The following NELL2 variants were observed in gnomAD, a reference collection of about 807,000 sequenced individuals.
NELL2 encodes the protein neural EGFL like 2.
A neutral mutation model predicts 109.6 loss-of-function variants in NELL2; 41 were observed. The observed-to-expected ratio is 0.37, with a 90% CI of 0.29 to 0.49. The LOEUF is 0.49. Ranked by LOEUF, NELL2 falls within the 20% of genes least tolerant of loss-of-function variation. NELL2 has a pLI of 0.98. For missense variants in NELL2, 900 were observed against 1,008.3 expected, an observed-to-expected ratio of 0.89 and a Z score of 1.45; for synonymous variants, 355 against 344.7, an observed-to-expected ratio of 1.03 and a Z score of -0.33.
chr12:44,834,996 C>T (rs996637856), intron 2 of NELL2, among the ~76,000 whole-genome samples: 3 of 152,124 alleles, frequency 2.0e-5, no homozygotes, highest in Middle Eastern at 3.2e-3. Context: ...CACAAGGTTG[C>T]TGGAGGGGCC....
At chr12:44,921,275 T>C (rs1945866321) in intron 1 of NELL2, among the ~76,000 whole-genome samples, 1 of 152,238 alleles carries the variant, frequency 6.6e-6, no homozygotes, top group Non-Finnish European at 1.5e-5. Flanking sequence ...TCAATTCATT[T>C]GCAAGCATTT....
At chr12:44,576,032 C>T (rs901687651) in intron 15 of NELL2, among the ~76,000 whole-genome samples, 10 of 152,166 alleles carry the variant, frequency 6.6e-5, no homozygotes, top group South Asian at 2.1e-4. Context: ...GTCCTCTTTC[C>T]GTTCCTCAAA....
intron 3 of NELL2, among the ~76,000 whole-genome samples, chr12:44,795,960 G>A (rs1287072958): frequency 3.3e-5 from 5 of 151,760 alleles, no homozygotes; most frequent in South Asian, 2.1e-4. Flanking sequence ...TTGTTCATTC[G>A]GAAGACAGTA....
intron 3 of NELL2, among the ~76,000 whole-genome samples, chr12:44,783,424 C>G (rs1175886927): frequency 6.6e-6 from 1 of 151,398 alleles, no homozygotes. Context: ...AATCAATGAA[C>G]CACAAGCTGG....
chr12:44,867,970 A>G (rs553581968), intron 2 of NELL2, among the ~76,000 whole-genome samples: 182 of 152,064 alleles, frequency 1.2e-3, no homozygotes, highest in Middle Eastern at 3.4e-3. Flanking sequence ...AAATACAAAA[A>G]TTAGCCGGGT....
At chr12:44,718,390 C>T (rs899826950) in intron 9 of NELL2, among the ~76,000 whole-genome samples, 1 of 152,186 alleles carries the variant, frequency 6.6e-6, no homozygotes, top group Non-Finnish European at 1.5e-5. Flanking sequence ...AAATTCACTT[C>T]CTCAATAAAA....
Position 44,779,879 on chromosome 12 carries a change from G to T in NELL2, c.479C>A (p.Ser160Tyr), listed in dbSNP as rs767963708. Residue 160 changes from serine to tyrosine, a missense_variant, in exon 4 of 20, where the codon TCC becomes TAC. This residue lies in a region of NELL2 where 200 missense variants were observed against 191.8 expected (regional missense o/e 1.04). Coordinates refer to ENST00000429094, the MANE Select transcript of NELL2 (RefSeq NM_001145108.2). ...GCAGTCAATGTGTAAAATCAAATGG[G>T]AAGCACTGATGGCTAAGGAGAGCTT... ...WHKLSLAISA[S>Y]HLILHIDCNK... The T allele has an allele frequency of 1.2e-6, 2 of 1,613,778 alleles. No individual in the cohort carries two copies. The highest frequency in any genetic ancestry group is 1.7e-6 in the Non-Finnish European group (2 of 1,179,824).
intron 3 of NELL2, among the ~76,000 whole-genome samples, chr12:44,786,590 A>G (rs147007377): frequency 0.014 from 2,173 of 152,290 alleles, 54 homozygotes; most frequent in African/African-American, 0.05. Context: ...TGTTTTCTGC[A>G]GCACTATTTA....
At chr12:44,528,991 G>A (rs1941927615) in intron 16 of NELL2, among the ~76,000 whole-genome samples, 1 of 152,116 alleles carries the variant, frequency 6.6e-6, no homozygotes, top group South Asian at 2.1e-4. Context: ...CCATGGTCAG[G>A]GTTTGCATAT....
At chr12:44,670,101 AAAC>A (rs756641463) in intron 12 of NELL2, among the ~76,000 whole-genome samples, 7 of 152,320 alleles carry the variant, frequency 4.6e-5, no homozygotes, top group African/African-American at 4.8e-5. Context: ...TGAAAGAGAA[AAAC>A]AACAACAACT....
In NELL2 at chr12:44,707,041, G is replaced by C. The variant is rs143811388; in HGVS notation, c.1190-3187C>G. On this transcript the variant is annotated intron_variant, in intron 11 of 19. Coordinates refer to ENST00000429094, the MANE Select transcript of NELL2 (RefSeq NM_001145108.2). ...AAGAGAAAGAGAATACAATAATTTT[G>C]TGGTGAATATTTATAGGTTTTGCCT... is the stretch of plus-strand genomic sequence containing the variant. Among the ~76,000 whole-genome samples, 105 of 152,230 alleles carry C rather than the reference G, an allele frequency of 6.9e-4. 1 individual carries two copies. Among genetic ancestry groups the C allele is most frequent in the Admixed American group, 3.6e-3 (55 of 15,286 alleles).
intron 13 of NELL2, among the ~76,000 whole-genome samples, chr12:44,654,411 C>T (rs547939576): frequency 1.3e-5 from 2 of 152,246 alleles, no homozygotes; most frequent in African/African-American, 4.8e-5. Context: ...TAATACTCAT[C>T]GTTTGTGGTA....
chr12:44,744,478 C>T (rs1007491374), intron 9 of NELL2, among the ~76,000 whole-genome samples: 13 of 152,020 alleles, frequency 8.6e-5, no homozygotes, highest in African/African-American at 2.9e-4. Context: ...AATAGAGACA[C>T]AAAAAACCCT....
intron 13 of NELL2, among the ~76,000 whole-genome samples, chr12:44,659,817 C>A (rs1947673350): frequency 6.6e-6 from 1 of 152,008 alleles, no homozygotes; most frequent in Non-Finnish European, 1.5e-5. Flanking sequence ...TAGTAGAACT[C>A]CTTGTGCTTA....
chr12:44,692,203 A>G (rs2136397333), intron 12 of NELL2, among the ~76,000 whole-genome samples: 1 of 152,282 alleles, frequency 6.6e-6, no homozygotes, highest in East Asian at 1.9e-4. Flanking sequence ...CTCATTGACC[A>G]TTTCAAAAAC....
At chr12:44,750,419 A>T (rs932104241) in intron 9 of NELL2, among the ~76,000 whole-genome samples, 1 of 152,192 alleles carries the variant, frequency 6.6e-6, no homozygotes, top group Admixed American at 6.6e-5. Flanking sequence ...ACAGGAAACA[A>T]GAAGTTTTAT....
intron 9 of NELL2, among the ~76,000 whole-genome samples, chr12:44,771,824 C>G (rs1379034495): frequency 6.6e-6 from 1 of 152,192 alleles, no homozygotes; most frequent in African/African-American, 2.4e-5. Context: ...ATAAAGGAAG[C>G]TGCAAAATAG....
At chr12:44,590,730 A>T (rs899884142) in intron 15 of NELL2, among the ~76,000 whole-genome samples, 3 of 152,158 alleles carry the variant, frequency 2.0e-5, no homozygotes, top group Non-Finnish European at 4.4e-5. Flanking sequence ...TATGGGTAAG[A>T]CCTCAAAAGC....
intron 2 of NELL2, among the ~76,000 whole-genome samples, chr12:44,842,296 C>T (rs1506677): frequency 4.6e-5 from 7 of 151,816 alleles, no homozygotes; most frequent in African/African-American, 1.7e-4. Flanking sequence ...GACATATTTA[C>T]GTGTTCAATA....
Sources: gnomAD v4.1 joint callset for allele counts (sites outside exome capture counted in the v4.1 genomes callset) on GRCh38, gnomAD v4.1.1 for gene constraint, gnomAD v4.1.1 regional missense constraint, MANE v1.5 for transcripts, NCBI Gene and HGNC (gene_info 2026-07-23, HGNC 2026-07-21) for gene names.